ELP3: variants seen among roughly 807,000 people sequenced by gnomAD.
The protein encoded by ELP3 is elongator complex protein 3.
In ELP3, 56 loss-of-function variants were observed where a neutral mutation model predicts 74.9. The observed-to-expected ratio is 0.75, with a 90% CI of 0.60 to 0.93. The LOEUF is 0.93. ELP3 is among the 40% of genes least tolerant of loss of function. The probability of loss-of-function intolerance (pLI) is 0.00; values close to 1 mark genes in which losing one functional copy is unlikely to be tolerated. For synonymous variants in ELP3, 222 were observed against 239.8 expected (o/e 0.93, Z 0.68); for missense variants, 573 against 686.5 (o/e 0.83, Z 1.85).
chr8:28,175,363 T>C (rs1462559742), intron 14 of ELP3, among the ~76,000 whole-genome samples: 1 of 152,188 alleles, frequency 6.6e-6, no homozygotes, highest in African/African-American at 2.4e-5. Flanking sequence ...AGTTGCATTA[T>C]CTTAAAGTCC....
intron 10 of ELP3, among the ~76,000 whole-genome samples, chr8:28,143,275 A>G (rs543909181): frequency 3.3e-5 from 5 of 152,210 alleles, no homozygotes; most frequent in African/African-American, 9.6e-5. Context: ...TTTTTTGATC[A>G]TGTGATTTTA....
intron 10 of ELP3, among the ~76,000 whole-genome samples, chr8:28,152,444 G>A (rs1813676977): frequency 6.6e-6 from 1 of 152,102 alleles, no homozygotes; most frequent in Admixed American, 6.6e-5. Flanking sequence ...ATGATTTGCA[G>A]CACAGACGTC....
At chr8:28,177,888 A>T (rs1235504314) in intron 14 of ELP3, among the ~76,000 whole-genome samples, 1 of 152,166 alleles carries the variant, frequency 6.6e-6, no homozygotes, top group Non-Finnish European at 1.5e-5. Flanking sequence ...AATTAAACTT[A>T]TTTCTTCCTC....
intron 9 of ELP3, among the ~76,000 whole-genome samples, chr8:28,133,603 C>T (rs916280393): frequency 6.6e-6 from 1 of 151,848 alleles, no homozygotes; most frequent in Non-Finnish European, 1.5e-5. Flanking sequence ...TCAGATTCTC[C>T]GATAGGGCAA....
chr8:28,091,684 A>G (rs1481345409), upstream of ELP3, among the ~76,000 whole-genome samples: 1 of 152,120 alleles, frequency 6.6e-6, no homozygotes, highest in Non-Finnish European at 1.5e-5. Context: ...AATTTTGCAA[A>G]ATTTTGTGCC....
At chr8:28,154,727 A>G (rs1291993553) in intron 10 of ELP3, among the ~76,000 whole-genome samples, 1 of 152,188 alleles carries the variant, frequency 6.6e-6, no homozygotes, top group East Asian at 1.9e-4. Context: ...TAATTTTAAA[A>G]TGTATTTGAT....
At chr8:28,091,056 A>G (rs965292006), upstream of ELP3, among the ~76,000 whole-genome samples, 22 of 151,790 alleles carry the variant, frequency 1.4e-4, no homozygotes, top group African/African-American at 3.6e-4. Context: ...ACAGGGGCCC[A>G]CCACCACGCC....
intron 2 of ELP3, among the ~76,000 whole-genome samples, chr8:28,098,781 C>T (rs939495493): frequency 6.6e-6 from 1 of 152,176 alleles, no homozygotes; most frequent in African/African-American, 2.4e-5. Flanking sequence ...GTTTTTGCAT[C>T]TGCACATAAA....
intron 14 of ELP3, 64 bp from the exon 15 acceptor site, chr8:28,189,585 C>T (rs1372798493): frequency 9.2e-6 from 14 of 1,524,258 alleles, no homozygotes; most frequent in Non-Finnish European, 1.2e-5. Flanking sequence ...CTGAGGGAAG[C>T]ACATGCCGAC....
At chr8:28,132,665 C>CA (rs1420780159) in intron 9 of ELP3, among the ~76,000 whole-genome samples, 1 of 152,152 alleles carries the variant, frequency 6.6e-6, no homozygotes, top group Non-Finnish European at 1.5e-5. Flanking sequence ...AAATATAACA[C>CA]AGACATACAA....
chr8:28,154,503 C>T (rs1813755213), intron 10 of ELP3, among the ~76,000 whole-genome samples: 1 of 151,870 alleles, frequency 6.6e-6, no homozygotes, highest in East Asian at 1.9e-4. Flanking sequence ...AGATGTATAG[C>T]CATATATTTA....
At chr8:28,110,286 A>G in intron 5 of ELP3, 84 bp from the exon 6 acceptor site, 1 of 1,181,938 alleles carries the variant, frequency 8.5e-7, no homozygotes, top group South Asian at 1.3e-5. Flanking sequence ...GGAACCATGG[A>G]GAGTTTTTTT....
chr8:28,186,180 G>A (rs956123123), intron 14 of ELP3, among the ~76,000 whole-genome samples: 13 of 152,274 alleles, frequency 8.5e-5, no homozygotes, highest in Admixed American at 3.9e-4. Flanking sequence ...GGCTGGGAGA[G>A]GGGGAGCAAG....
intron 10 of ELP3, among the ~76,000 whole-genome samples, chr8:28,150,349 TTC>T: frequency 6.6e-6 from 1 of 152,362 alleles, no homozygotes; most frequent in Non-Finnish European, 1.5e-5. Flanking sequence ...ATCATTTTCC[TTC>T]TCTCTAAAGA....
chr8:28,121,563 G>A (rs868695346), intron 7 of ELP3, among the ~76,000 whole-genome samples: 4 of 151,882 alleles, frequency 2.6e-5, no homozygotes, highest in African/African-American at 4.8e-5. Flanking sequence ...CAGGTGATCC[G>A]CCCACTTCGG....
intron 10 of ELP3, 119 bp downstream of exon 10, chr8:28,138,010 C>T (rs1290698883): frequency 1.1e-6 from 1 of 920,398 alleles, no homozygotes; most frequent in Admixed American, 3.5e-5. Context: ...AATAAGATAA[C>T]TGGAATGCTA....
At chr8:28,118,267 G>C (rs899299920) in intron 7 of ELP3, among the ~76,000 whole-genome samples, 10 of 152,160 alleles carry the variant, frequency 6.6e-5, no homozygotes, top group African/African-American at 2.4e-4. Flanking sequence ...TTACTGCTGT[G>C]TTGGCTCAGG....
chr8:28,182,644 G>A (rs913912267), intron 14 of ELP3, among the ~76,000 whole-genome samples: 1 of 152,034 alleles, frequency 6.6e-6, no homozygotes, highest in Non-Finnish European at 1.5e-5. Flanking sequence ...CTAAGGTTGT[G>A]TGATTTGATT....
rs548030380 is a variant in ELP3 at position 28,167,642 on chromosome 8, T to A, written c.1567+5564T>A. ...GAAGCCTGCCAAATGCAGACCAGTT[T>A]GTGGCACCTACACGAGTGTTAGTCT... On this transcript the variant is annotated intron_variant, in intron 14 of 14. Transcript: ENST00000256398. Among the ~76,000 whole-genome samples, 200 of 152,314 alleles carry A rather than the reference T, an allele frequency of 1.3e-3. 2 individuals carry two copies. In the South Asian group the frequency reaches 0.026, roughly 20 times the overall value.
Sources: allele counts gnomAD v4.1 joint callset (sites outside exome capture counted in the v4.1 genomes callset), GRCh38; gene constraint gnomAD v4.1.1; transcripts MANE v1.5; gene names NCBI Gene and HGNC (gene_info 2026-07-23, HGNC 2026-07-21).